The following TG variants were observed in gnomAD, a reference collection of about 807,000 sequenced individuals.
TG encodes thyroid hormones.
TG carries 270 observed loss-of-function variants against 324.7 expected under a neutral mutation model. The ratio of observed to expected loss-of-function variants is 0.83; its 90% CI spans 0.75 to 0.92. The LOEUF is 0.92. Ranked by LOEUF, TG falls within the 40% of genes least tolerant of loss-of-function variation. The pLI is 0.00. For missense variants in TG, 3,591 were observed against 3,456.4 expected, an observed-to-expected ratio of 1.04 and a Z score of -0.98; for synonymous variants, 1,401 against 1,327.0, an observed-to-expected ratio of 1.06 and a Z score of -1.21.
chr8:132,887,389 A>G lies in TG; in HGVS notation c.2017A>G (p.Met673Val), dbSNP rs764469728. The G allele has an allele frequency of 3.1e-6, 5 of 1,614,078 alleles. No individual in the cohort carries two copies. In the Admixed American group the frequency reaches 5.0e-5, roughly 16 times the overall value. ...GCAAAGGGCTCGCATGCAAAGCCTCATGGGCAGCCAGCCTGCTGGCTCCAC... is the reference window on the plus strand; with the variant it reads ...GCAAAGGGCTCGCATGCAAAGCCTCGTGGGCAGCCAGCCTGCTGGCTCCAC... Reference protein sequence around the residue: ...EKQRARMQSLMGSQPAGSTLF... With the variant: ...EKQRARMQSLVGSQPAGSTLF... The change falls in exon 9 of 48, where the codon ATG becomes GTG. Residue 673 changes from methionine to valine, a missense_variant. By Grantham distance (21) the Met-to-Val change is conservative. Coordinates refer to ENST00000220616, the MANE Select transcript of TG (RefSeq NM_003235.5).
intron 41 of TG, chr8:133,038,230 C>T: frequency 2.4e-6 from 1 of 411,642 alleles, no homozygotes; most frequent in Admixed American, 4.0e-5. Flanking sequence ...GTGGCTTTGT[C>T]CTTCCCACAC....
chr8:132,986,861 C>T (rs2403883), intron 35 of TG, among the ~76,000 whole-genome samples: 88,119 of 151,934 alleles, frequency 0.58, 26,829 homozygotes, highest in African/African-American at 0.73. Context: ...AAGTGGTTTT[C>T]GGCTTTTGAT....
At position 133,013,566 on chromosome 8, in the gene TG, GC is replaced by G. The variant is rs758665456; in HGVS notation, c.6398-31del. Reference sequence around the variant, plus strand: ...GCATGAGTGAAGTAACATCTCTGAGGCCCAAGCATCACTCTTCTCCCTCTTT... The same window carrying G: ...GCATGAGTGAAGTAACATCTCTGAGGCCAAGCATCACTCTTCTCCCTCTTT... On this transcript the variant is annotated intron_variant, in intron 36 of 47. Coordinates refer to ENST00000220616, the MANE Select transcript of TG (RefSeq NM_003235.5). The G allele has an allele frequency of 6.6e-5, 106 of 1,613,446 alleles. 1 individual carries two copies. Among genetic ancestry groups the G allele is most frequent in the Non-Finnish European group, 4.2e-6 (5 of 1,179,930 alleles).
chr8:132,911,456 G>A lies in TG; in HGVS notation c.4082G>A (p.Arg1361His), dbSNP rs144469844. 6.3e-5 allele frequency: 102 copies of A among 1,614,198 alleles called. 1 individual carries two copies. The highest frequency in any genetic ancestry group is 4.0e-4 in the African/African-American group (30 of 75,032). ...CAGGTGGGTTGTCTGACCAGGGAGCGTTTAGGAGTGAATGTTACATGGAAA... is the reference window on the plus strand; with the variant it reads ...CAGGTGGGTTGTCTGACCAGGGAGCATTTAGGAGTGAATGTTACATGGAAA... Reference protein sequence around the residue: ...SVQVGCLTRERLGVNVTWKSR... With the variant: ...SVQVGCLTREHLGVNVTWKSR... Residue 1361 changes from arginine to histidine, a missense_variant, in exon 19 of 48, where the codon CGT (arginine) becomes CAT (histidine). Transcript: ENST00000220616.
At chr8:132,970,291 C>T (rs565227760) in intron 32 of TG, among the ~76,000 whole-genome samples, 1 of 151,840 alleles carries the variant, frequency 6.6e-6, no homozygotes, top group South Asian at 2.1e-4. Context: ...GATGTCTCTC[C>T]TAGTATTGTC....
At chr8:133,116,750 T>C (rs201035613) in intron 45 of TG, 34 bp downstream of exon 45, 3 of 1,572,882 alleles carry the variant, frequency 1.9e-6, no homozygotes, top group East Asian at 2.2e-5. Context: ...GAAAGGAAGG[T>C]AAAACCGAAT....
At chr8:133,050,821 A>G (rs369727339) in intron 41 of TG, 1 of 1,603,502 alleles carries the variant, frequency 6.2e-7, no homozygotes. Context: ...CTCACTCAGA[A>G]ATCACACGCA....
intron 35 of TG, among the ~76,000 whole-genome samples, chr8:132,986,973 A>G (rs1467366042): frequency 1.3e-5 from 2 of 152,238 alleles, no homozygotes; most frequent in Admixed American, 6.5e-5. Flanking sequence ...TGCATAAACC[A>G]AAGCATAACT....
At chr8:133,091,588 G>T (rs1198734244) in intron 41 of TG, among the ~76,000 whole-genome samples, 1 of 152,094 alleles carries the variant, frequency 6.6e-6, no homozygotes, top group South Asian at 2.1e-4. Flanking sequence ...GTGTGTATGT[G>T]TCTGAGTGTG....
Position 132,882,601 on chromosome 8 carries a change from G to C in TG, c.878G>C (p.Gly293Ala), listed in dbSNP as rs779983115. ...RFLAVQSVIS[G>A]RFRCPTKCEV... is the part of the protein sequence containing the mutation. ...CTCGCAGTTCAATCAGTCATCTCTG[G>C]CAGATTCCGATGTAAGTAATAAACT... is the stretch of plus-strand genomic sequence containing the variant. The change falls in exon 7 of 48, where the codon GGC (glycine) becomes GCC (alanine). Residue 293 changes from glycine (G) to alanine (A), a missense_variant. Physicochemically the swap from Gly to Ala is moderately conservative, Grantham distance 60. Coordinates refer to ENST00000220616, the MANE Select transcript of TG (RefSeq NM_003235.5). The C allele has an allele frequency of 3.1e-6, 5 of 1,614,076 alleles. No homozygotes were observed. The highest frequency in any genetic ancestry group is 4.2e-6 in the Non-Finnish European group (5 of 1,180,046).
At chr8:132,892,360 ACTCG>A (rs879460274) in intron 10 of TG, among the ~76,000 whole-genome samples, 120 of 152,314 alleles carry the variant, frequency 7.9e-4, no homozygotes, top group South Asian at 2.3e-3. Context: ...CTAGCTGGGA[ACTCG>A]TTTAAATTAT....
At position 133,017,796 on chromosome 8, in the gene TG, A is replaced by G. The variant is rs763207427; in HGVS notation, c.6581A>G (p.Tyr2194Cys). The change falls in exon 38 of 48, where the codon TAT (tyrosine) becomes TGT (cysteine). Residue 2194 changes from tyrosine to cysteine, a missense_variant. Physicochemically the swap from Tyr to Cys is radical, Grantham distance 194 (BLOSUM62 -2). Transcript: ENST00000220616. ...YRKPGISLLS[Y>C]EASVPSVPIS... is the part of the protein sequence containing the mutation. ...CCAACAGGAATCTCTCTGCTCAGCT[A>G]TGAGGCATCTGTACCTTCTGTGCCC... 1 of 1,614,082 alleles carries G rather than the reference A, an allele frequency of 6.2e-7. No homozygotes were observed. Among genetic ancestry groups the G allele is most frequent in the South Asian group, 1.1e-5 (1 of 91,084 alleles).
At chr8:132,911,639 T>A in intron 19 of TG, 106 bp downstream of exon 19, 1 of 929,472 alleles carries the variant, frequency 1.1e-6, no homozygotes, top group Non-Finnish European at 1.8e-6. Flanking sequence ...GATGTCTTCT[T>A]GTGAAGACTA....
At position 132,929,188 on chromosome 8, in the gene TG, G is replaced by T; in HGVS notation, c.4812G>T (p.Leu1604Phe). Residue 1604 changes from leucine to phenylalanine, a missense_variant, in exon 23 of 48, where the codon TTG (leucine) becomes TTT (phenylalanine). Transcript: ENST00000220616. ...CTGAGTTCCCCGTGATGCAGTGCTT[G>T]ACAGGTGAGGAGTGGTGGGGAGATA... ...PDSEFPVMQCLTDCTEDEACS... is the reference protein window; with the variant it reads ...PDSEFPVMQCFTDCTEDEACS... 2 of 1,613,228 alleles carry T rather than the reference G, an allele frequency of 1.2e-6. No individual in the cohort carries two copies. Among genetic ancestry groups the T allele is most frequent in the Non-Finnish European group, 1.7e-6 (2 of 1,179,148 alleles).
chr8:132,895,896 C>T lies in TG; in HGVS notation c.3002-1753C>T, dbSNP rs1272341574. Among the ~76,000 whole-genome samples, 7 of 152,320 alleles carry T rather than the reference C, an allele frequency of 4.6e-5. 1 individual carries two copies. The highest frequency in any genetic ancestry group is 4.6e-4 in the Admixed American group (7 of 15,298). ...TCTTCAGAAGTCGAGCTGAGAAGTTCCTCTCCAAGTAGCCACATGCTCCGC... is the reference window on the plus strand; with the variant it reads ...TCTTCAGAAGTCGAGCTGAGAAGTTTCTCTCCAAGTAGCCACATGCTCCGC... On this transcript the variant is annotated intron_variant, in intron 11 of 47. Coordinates refer to ENST00000220616, the MANE Select transcript of TG (RefSeq NM_003235.5).
chr8:133,116,526 C>G, intron 44 of TG, 83 bp from the exon 45 acceptor site: 2 of 1,362,098 alleles, frequency 1.5e-6, no homozygotes, highest in South Asian at 1.2e-5. Context: ...CAGGGGGCCC[C>G]TTGCTGGGAG....
chr8:132,913,316 A>G, intron 20 of TG, 51 bp downstream of exon 20: 8 of 1,579,266 alleles, frequency 5.1e-6, no homozygotes, highest in Non-Finnish European at 7.0e-6. Context: ...GTGAGGCTTT[A>G]GGAAAGGCCA....
chr8:133,126,055 T>C (rs988830759), intron 45 of TG, among the ~76,000 whole-genome samples: 6 of 152,212 alleles, frequency 3.9e-5, no homozygotes, highest in African/African-American at 7.2e-5. Flanking sequence ...GAAAAGTCAA[T>C]TAAGAAGAGA....
chr8:132,932,220 A>G (rs2739057), intron 23 of TG, among the ~76,000 whole-genome samples: 61,431 of 152,058 alleles, frequency 0.4, 15,207 homozygotes, highest in Admixed American at 0.53. Flanking sequence ...CAGCCATACA[A>G]TGCTGAGATG....
Sources: gnomAD v4.1 joint callset for allele counts (sites outside exome capture counted in the v4.1 genomes callset) on GRCh38, gnomAD v4.1.1 for gene constraint, MANE v1.5 for transcripts, NCBI Gene and HGNC (gene_info 2026-07-23, HGNC 2026-07-21) for gene names.